The following RALGPS1 variants were observed in gnomAD, a reference collection of about 807,000 sequenced individuals.
RALGPS1 encodes Ral GEF with PH domain and SH3 binding motif 1.
RALGPS1 carries 19 observed loss-of-function variants against 78.8 expected under a neutral mutation model. The ratio of observed to expected loss-of-function variants is 0.24; its 90% CI spans 0.17 to 0.35. RALGPS1 has a LOEUF of 0.35. Among genes scored for constraint, RALGPS1 ranks in the 10% least tolerant of loss-of-function variants. RALGPS1 has a pLI of 1.00. For missense variants in RALGPS1, 454 were observed against 688.3 expected, an observed-to-expected ratio of 0.66 and a Z score of 3.81; for synonymous variants, 228 against 256.3, an observed-to-expected ratio of 0.89 and a Z score of 1.06.
chr9:126,982,579 T>G (rs1265668404), intron 4 of RALGPS1, among the ~76,000 whole-genome samples: 2 of 152,114 alleles, frequency 1.3e-5, no homozygotes. Context: ...TATTCAGAGT[T>G]TGCTGCTATT....
At chr9:127,071,924 C>T (rs1296217557) in intron 8 of RALGPS1, among the ~76,000 whole-genome samples, 1 of 152,180 alleles carries the variant, frequency 6.6e-6, no homozygotes, top group African/African-American at 2.4e-5. Context: ...GCATTTTTAT[C>T]ACTCCATAAA....
intron 14 of RALGPS1, among the ~76,000 whole-genome samples, chr9:127,203,925 T>TA (rs2067655676): frequency 6.6e-6 from 1 of 152,176 alleles, no homozygotes; most frequent in African/African-American, 2.4e-5. Flanking sequence ...TGGTGTCTGT[T>TA]AGAGTCTCAT....
intron 8 of RALGPS1, among the ~76,000 whole-genome samples, chr9:127,076,726 C>T (rs983616008): frequency 2.0e-5 from 3 of 152,208 alleles, no homozygotes; most frequent in African/African-American, 7.2e-5. Flanking sequence ...TCATGGAGCT[C>T]ACAGTCCAGT....
At chr9:126,984,202 T>C (rs2041585438) in intron 4 of RALGPS1, among the ~76,000 whole-genome samples, 1 of 152,186 alleles carries the variant, frequency 6.6e-6, no homozygotes, top group Non-Finnish European at 1.5e-5. Flanking sequence ...ACTTGTGGGC[T>C]CAAGCCATCC....
chr9:127,100,572 G>C (rs887348168), intron 8 of RALGPS1, among the ~76,000 whole-genome samples: 5 of 152,198 alleles, frequency 3.3e-5, no homozygotes, highest in African/African-American at 1.2e-4. Flanking sequence ...GGCTCCCTGG[G>C]GGCAGTGGCC....
intron 1 of RALGPS1, 58 bp downstream of exon 1, chr9:126,915,033 G>A: frequency 6.7e-6 from 1 of 149,142 alleles, no homozygotes; most frequent in South Asian, 1.8e-4. Flanking sequence ...CGGCCGACGG[G>A]GCGGGGCGGG....
chr9:126,987,575 G>A (rs1184503952), intron 4 of RALGPS1, among the ~76,000 whole-genome samples: 1 of 152,170 alleles, frequency 6.6e-6, no homozygotes, highest in Non-Finnish European at 1.5e-5. Flanking sequence ...TTGCCGACTG[G>A]CAGCTGGGGC....
At chr9:127,213,863 G>C (rs1564808898) in intron 17 of RALGPS1, 2 of 152,226 alleles carry the variant, frequency 1.3e-5, no homozygotes, top group South Asian at 4.1e-4. Flanking sequence ...GCAAGCTCCC[G>C]GGCGATGCAG....
At chr9:126,971,910 A>G (rs1014086934) in intron 3 of RALGPS1, among the ~76,000 whole-genome samples, 1 of 152,252 alleles carries the variant, frequency 6.6e-6, no homozygotes, top group Non-Finnish European at 1.5e-5. Flanking sequence ...GATTTTCAAA[A>G]TAGAAGAAAG....
chr9:127,178,069 G>C (rs747224259), intron 11 of RALGPS1: 7 of 1,392,106 alleles, frequency 5.0e-6, no homozygotes, highest in Non-Finnish European at 6.8e-6. Context: ...GGAGCCCTAG[G>C]CTAAAGGGCA....
chr9:127,192,615 A>G, intron 11 of RALGPS1, among the ~76,000 whole-genome samples: 1 of 152,178 alleles, frequency 6.6e-6, no homozygotes, highest in Non-Finnish European at 1.5e-5. Context: ...CCATCATAGC[A>G]TCACTGCGCT....
intron 5 of RALGPS1, among the ~76,000 whole-genome samples, chr9:127,047,738 T>C (rs1285630065): frequency 6.6e-6 from 1 of 151,814 alleles, no homozygotes; most frequent in Non-Finnish European, 1.5e-5. Context: ...GAAGGATGCA[T>C]ACCACAGTGT....
Position 127,218,811 on chromosome 9 carries a change from C to A in RALGPS1, c.*42C>A, listed in dbSNP as rs1371547851. The A allele has an allele frequency of 1.2e-6, 2 of 1,604,172 alleles. No individual in the cohort carries two copies. Among genetic ancestry groups the A allele is most frequent in the South Asian group, 1.1e-5 (1 of 90,904 alleles). ...GCATGACTTCAGAGGCTTCTGGGAA[C>A]CCAGGCTGGGCCTGGTGGTGAAGAG... On this transcript the variant is annotated 3_prime_UTR_variant, in exon 19 of 19. Transcript: ENST00000259351. The surrounding 1 kb of genome is among the most constrained non-coding windows in gnomAD (Gnocchi z 4.4).
At chr9:127,006,527 C>T (rs375222773) in intron 4 of RALGPS1, among the ~76,000 whole-genome samples, 5 of 152,238 alleles carry the variant, frequency 3.3e-5, no homozygotes, top group East Asian at 1.9e-4. Flanking sequence ...TTCACAATTC[C>T]ACTGTTACAT....
intron 8 of RALGPS1, among the ~76,000 whole-genome samples, chr9:127,144,798 G>C (rs2058003406): frequency 6.6e-6 from 1 of 152,210 alleles, no homozygotes; most frequent in African/African-American, 2.4e-5. Context: ...GAATCAGTAA[G>C]TCCATAGAGC....
chr9:127,202,120 C>T (rs1175288252), intron 14 of RALGPS1, among the ~76,000 whole-genome samples: 1 of 152,206 alleles, frequency 6.6e-6, no homozygotes. Context: ...GGTAATAAGC[C>T]TGCCCAGGCT....
At chr9:127,113,539 TGAA>T (rs1303840454) in intron 8 of RALGPS1, among the ~76,000 whole-genome samples, 1 of 128,614 alleles carries the variant, frequency 7.8e-6, no homozygotes, top group Non-Finnish European at 1.6e-5. Context: ...ATCTTAGGAC[TGAA>T]GAAGAACTCA....
chr9:127,145,237 C>T (rs1467278212), intron 8 of RALGPS1, among the ~76,000 whole-genome samples: 6 of 152,112 alleles, frequency 3.9e-5, no homozygotes, highest in Admixed American at 2.0e-4. Context: ...TTAAGCACTT[C>T]GTCGGTATTA....
chr9:127,104,803 C>T (rs1280856431), intron 8 of RALGPS1, among the ~76,000 whole-genome samples: 5 of 152,210 alleles, frequency 3.3e-5, no homozygotes, highest in African/African-American at 4.8e-5. Context: ...TGGAAGCTGC[C>T]AAGGCTCGGA....
Sources: gnomAD v4.1 joint callset for allele counts (sites outside exome capture counted in the v4.1 genomes callset) on GRCh38, gnomAD v4.1.1 for gene constraint, Gnocchi (gnomAD v3.1) non-coding constraint, MANE v1.5 for transcripts, NCBI Gene and HGNC (gene_info 2026-07-23, HGNC 2026-07-21) for gene names.